Variants in DCDC2C observed in about 807,000 individuals in gnomAD.
DCDC2C encodes doublecortin domain-containing protein 2C.
DCDC2C carries 44 observed loss-of-function variants against 45.0 expected under a neutral mutation model. The observed-to-expected ratio is 0.98, with a 90% CI of 0.77 to 1.26. DCDC2C has a LOEUF of 1.26. Ranked by LOEUF, DCDC2C falls within the 50% of genes most tolerant of loss-of-function variation. The pLI, the probability that DCDC2C is intolerant of heterozygous loss-of-function variation, is 0.00. For synonymous variants in DCDC2C, 187 were observed against 178.8 expected, an observed-to-expected ratio of 1.05 and a Z score of -0.37; for missense variants, 447 against 468.9, an observed-to-expected ratio of 0.95 and a Z score of 0.43.
intron 9 of DCDC2C, among the ~76,000 whole-genome samples, chr2:3,783,191 A>T (rs1023535198): frequency 7.2e-5 from 11 of 152,198 alleles, no homozygotes; most frequent in Non-Finnish European, 1.5e-4. Context: ...TAAAAATTTC[A>T]TGGGTAATTT....
intron 10 of DCDC2C, among the ~76,000 whole-genome samples, chr2:3,833,254 C>T (rs1263762112): frequency 6.6e-6 from 1 of 152,188 alleles, no homozygotes; most frequent in Non-Finnish European, 1.5e-5. Flanking sequence ...TTATTAGCAG[C>T]CTTAATTTCA....
At chr2:3,790,506 A>G (rs1670775214) in intron 10 of DCDC2C, among the ~76,000 whole-genome samples, 1 of 152,196 alleles carries the variant, frequency 6.6e-6, no homozygotes, top group South Asian at 2.1e-4. Context: ...TCATTTAATT[A>G]ACATTGCCAG....
At chr2:3,710,651 T>C (rs1211050613) in intron 2 of DCDC2C, among the ~76,000 whole-genome samples, 1 of 152,206 alleles carries the variant, frequency 6.6e-6, no homozygotes, top group Non-Finnish European at 1.5e-5. Flanking sequence ...CTATTAATAG[T>C]AGTATCCAGT....
At chr2:3,803,311 C>A (rs1671155670) in intron 10 of DCDC2C, among the ~76,000 whole-genome samples, 2 of 152,114 alleles carry the variant, frequency 1.3e-5, no homozygotes, top group African/African-American at 4.8e-5. Flanking sequence ...TGGACTCAAA[C>A]TCCTCCATTC....
intron 10 of DCDC2C, chr2:3,788,261 T>C (rs1348819846): frequency 6.6e-6 from 1 of 152,210 alleles, no homozygotes; most frequent in Non-Finnish European, 1.5e-5. Context: ...ACTACAATCT[T>C]AAATCATGAA....
At chr2:3,841,343 A>G (rs1007317530) in intron 10 of DCDC2C, among the ~76,000 whole-genome samples, 2 of 150,412 alleles carry the variant, frequency 1.3e-5, no homozygotes, top group African/African-American at 4.9e-5. Flanking sequence ...AGGTGAACGC[A>G]GAAGTTTTTG....
At chr2:3,704,185 C>A in intron 1 of DCDC2C, 147 bp downstream of exon 1, 1 of 732,314 alleles carries the variant, frequency 1.4e-6, no homozygotes, top group African/African-American at 1.8e-5. Context: ...CCAGCGCAGC[C>A]GGCGTCGGGC....
intron 3 of DCDC2C, among the ~76,000 whole-genome samples, chr2:3,738,783 A>C (rs1312214282): frequency 6.6e-6 from 1 of 152,220 alleles, no homozygotes; most frequent in Non-Finnish European, 1.5e-5. Flanking sequence ...TGTGCTTTCA[A>C]AAATGAGTAC....
chr2:3,841,420 ATATAT>A (rs1672211388), intron 10 of DCDC2C, among the ~76,000 whole-genome samples: 1 of 149,476 alleles, frequency 6.7e-6, no homozygotes, highest in African/African-American at 2.4e-5. Context: ...ATATTACATA[ATATAT>A]TAATATTCAT....
At chr2:3,826,022 T>C (rs1671807777) in intron 10 of DCDC2C, among the ~76,000 whole-genome samples, 1 of 152,166 alleles carries the variant, frequency 6.6e-6, no homozygotes, top group African/African-American at 2.4e-5. Flanking sequence ...CGAGGGTCTT[T>C]TAAGAAAAAG....
At chr2:3,746,293 T>C (rs357978) in intron 4 of DCDC2C, among the ~76,000 whole-genome samples, 148,666 of 152,302 alleles carry the variant, frequency 0.98, 72,674 homozygotes, top group South Asian at 1. Flanking sequence ...GCGGAGGAGC[T>C]GGGGCAGGAG....
At chr2:3,738,708 A>G (rs913408874) in intron 3 of DCDC2C, among the ~76,000 whole-genome samples, 2 of 152,130 alleles carry the variant, frequency 1.3e-5, no homozygotes, top group African/African-American at 4.8e-5. Flanking sequence ...ACTGTTGTGT[A>G]CCTTCATTTT....
chr2:3,739,119 T>C (rs1658404524), intron 3 of DCDC2C, among the ~76,000 whole-genome samples: 1 of 152,160 alleles, frequency 6.6e-6, no homozygotes, highest in Non-Finnish European at 1.5e-5. Context: ...TCTTAAAAAT[T>C]CAAAAAAATT....
intron 10 of DCDC2C, among the ~76,000 whole-genome samples, chr2:3,815,805 A>G (rs2148218619): frequency 6.6e-6 from 1 of 152,310 alleles, no homozygotes; most frequent in East Asian, 1.9e-4. Flanking sequence ...AGGTAATGTC[A>G]TCAGTTAAGG....
intron 4 of DCDC2C, 161 bp from the exon 5 acceptor site, chr2:3,752,602 G>C (rs557551617): frequency 1.3e-6 from 1 of 797,986 alleles, no homozygotes; most frequent in African/African-American, 1.7e-5. Flanking sequence ...AGCAGTTCCC[G>C]TCGGGTTTAA....
At chr2:3,711,915 G>C (rs1668221718) in intron 2 of DCDC2C, among the ~76,000 whole-genome samples, 1 of 152,218 alleles carries the variant, frequency 6.6e-6, no homozygotes, top group South Asian at 2.1e-4. Context: ...CGTGGGGATG[G>C]AGCAGTATCA....
chr2:3,778,982 A>G, intron 9 of DCDC2C, 98 bp downstream of exon 9: 1 of 1,228,128 alleles, frequency 8.1e-7, no homozygotes, highest in Non-Finnish European at 1.1e-6. Context: ...TGAGATCACA[A>G]GTCGCTTCCA....
intron 3 of DCDC2C, among the ~76,000 whole-genome samples, chr2:3,739,329 G>C (rs540009022): frequency 1.3e-5 from 2 of 152,182 alleles, no homozygotes; most frequent in Admixed American, 6.5e-5. Context: ...CCACCCAATG[G>C]ACCTGCGTGA....
chr2:3,703,904 G>T lies in DCDC2C; in HGVS notation c.153G>T (p.Thr51=). The T allele has an allele frequency of 7.5e-7, 1 of 1,337,612 alleles. No individual in the cohort carries two copies. 82.9% of individuals were successfully genotyped at this position (1,337,612 alleles called of 1,614,324 possible). A position where few individuals can be genotyped will look rare whatever the true frequency, so the allele number is the denominator to read the frequency against. ...TCGAGGCGCTGCTGGAGCAGCTCACGGAGCAGGTGGACGTCCCGTTCGGCG... is the reference window on the plus strand; with the variant it reads ...TCGAGGCGCTGCTGGAGCAGCTCACTGAGCAGGTGGACGTCCCGTTCGGCG... ...ATFEALLEQL[T]EQVDVPFGVR... is the part of the protein sequence containing the mutation. Residue 51 remains threonine, a synonymous_variant, in exon 1 of 11, where the codon ACG becomes ACT. Coordinates refer to ENST00000399143, the MANE Select transcript of DCDC2C (RefSeq NM_001287444.2). The surrounding 1 kb of genome is among the most constrained non-coding windows in gnomAD (Gnocchi z 4.4).
Sources: allele counts gnomAD v4.1 joint callset (sites outside exome capture counted in the v4.1 genomes callset), GRCh38; gene constraint gnomAD v4.1.1; non-coding constraint Gnocchi (gnomAD v3.1); transcripts MANE v1.5; gene names NCBI Gene and HGNC (gene_info 2026-07-23, HGNC 2026-07-21).